The following TRIM28 variants were observed in gnomAD, a reference collection of about 807,000 sequenced individuals.
The protein encoded by TRIM28 is tripartite motif containing 28.
In TRIM28, 8 loss-of-function variants were observed where a neutral mutation model predicts 87.4. The observed-to-expected ratio is 0.09, with a 90% confidence interval of 0.05 to 0.17. The LOEUF is 0.17. TRIM28 is among the 10% of genes least tolerant of loss of function. The pLI is 1.00. For missense variants in TRIM28, 968 were observed against 1,131.8 expected (o/e 0.86, Z 2.08); for synonymous variants, 601 against 454.3 (o/e 1.32, Z -4.11).
rs755062663 is a variant in TRIM28, at chr19:58,549,916, C to G, written c.2107-33C>G. ...CCCAGAGAGGCTTTATAGGTGCTGCCCAGAGCTGTGACATCCCTTACAATG... is the reference window on the plus strand; with the variant it reads ...CCCAGAGAGGCTTTATAGGTGCTGCGCAGAGCTGTGACATCCCTTACAATG... On this transcript the variant is annotated intron_variant, in intron 14 of 16. Coordinates refer to ENST00000253024, the MANE Select transcript of TRIM28 (RefSeq NM_005762.3). This position sits in a 1 kb window ranked among gnomAD's most constrained non-coding sequence, Gnocchi z 4.4. The G allele has an allele frequency of 6.2e-7, 1 of 1,613,956 alleles. No individual in the cohort carries two copies. The highest frequency in any genetic ancestry group is 2.2e-5 in the East Asian group (1 of 44,866).
At position 58,545,497 on chromosome 19, in the gene TRIM28, G is replaced by C. The variant is rs2122623701; in HGVS notation, c.413G>C (p.Ser138Thr). Residue 138 changes from serine to threonine, a missense_variant, in exon 2 of 17, where the codon AGT becomes ACT. By Grantham distance (58) the Ser-to-Thr change is moderately conservative (BLOSUM62 1). This residue lies in a region of TRIM28 where 51 missense variants were observed against 69.3 expected (regional missense o/e 0.74). Coordinates refer to ENST00000253024, the MANE Select transcript of TRIM28 (RefSeq NM_005762.3). ...GTGGAGAATTATTTCATGCGTGATA[G>C]TGGCAGCAAGGCTGCCACCGACGCC... is the stretch of plus-strand genomic sequence containing the variant. ...DIVENYFMRD[S>T]GSKAATDAQD... 4 of 1,612,638 alleles carry C rather than the reference G, an allele frequency of 2.5e-6. No homozygotes were observed. Among genetic ancestry groups the C allele is most frequent in the East Asian group, 2.2e-5 (1 of 44,882 alleles).
At chr19:58,547,270 G>T in intron 3 of TRIM28, 106 bp from the exon 4 acceptor site, 2 of 1,427,994 alleles carry the variant, frequency 1.4e-6, no homozygotes, top group Non-Finnish European at 1.9e-6. Context: ...CCCAATAAAT[G>T]GCCCAGTGTC....
rs1467713692 is a variant in TRIM28 at position 58,545,080 on chromosome 19, C to T, written c.323C>T (p.Ala108Val). 8 of 1,432,214 alleles carry T rather than the reference C, an allele frequency of 5.6e-6. No individual in the cohort carries two copies. Among genetic ancestry groups the T allele is most frequent in the Admixed American group, 6.5e-5 (2 of 30,700 alleles). The allele number at this position is 1,432,214 out of a possible 1,614,324, so 88.7% of individuals were successfully genotyped here. Residue 108 changes from alanine (A) to valine (V), a missense_variant, in exon 1 of 17, where the codon GCG (alanine) becomes GTG (valine). By Grantham distance (64) the Ala-to-Val change is moderately conservative (BLOSUM62 0). Coordinates refer to ENST00000253024, the MANE Select transcript of TRIM28 (RefSeq NM_005762.3). ...GCCAACAGCTCGGGGGACGGCGGGGCGGCGGGCGACGGCACCGGTAAGTAC... is the reference window on the plus strand; with the variant it reads ...GCCAACAGCTCGGGGGACGGCGGGGTGGCGGGCGACGGCACCGGTAAGTAC... ...AAANSSGDGGAAGDGTVVDCP... is the reference protein window; with the variant it reads ...AAANSSGDGGVAGDGTVVDCP...
chr19:58,547,768 A>G (rs1433432297), intron 5 of TRIM28, 24 bp from the exon 6 acceptor site: 1 of 1,613,914 alleles, frequency 6.2e-7, no homozygotes, highest in South Asian at 1.1e-5. Flanking sequence ...GACCCTACCT[A>G]GCCTGACCTG....
Position 58,548,604 on chromosome 19 carries a change from AGAG to A in TRIM28, c.1323+15_1323+17del. ...CTGGCAGCAGCCAGGTGAGCAGGAG[AGAG>A]GACCCAGGAAGGGGTGGGCAGGGAA... is the stretch of plus-strand genomic sequence containing the variant. On this transcript the variant is annotated intron_variant, in intron 9 of 16. Transcript: ENST00000253024. 6.4e-7 allele frequency: 1 copy of A among 1,573,696 alleles called. No individual in the cohort carries two copies. Among genetic ancestry groups the A allele is most frequent in the Non-Finnish European group, 8.6e-7 (1 of 1,156,668 alleles).
chr19:58,547,076 T>TG, intron 3 of TRIM28: 1 of 206,238 alleles, frequency 4.8e-6, no homozygotes, highest in South Asian at 4.7e-5. Flanking sequence ...TCAGCGGGGG[T>TG]GGGGGGTGGG....
At chr19:58,547,106 C>T (rs1600081058) in intron 3 of TRIM28, 3 of 422,074 alleles carry the variant, frequency 7.1e-6, no homozygotes, top group Middle Eastern at 6.3e-4. Context: ...TCCTCTTTTT[C>T]TAGACGCTGT....
chr19:58,544,943 G>T lies in TRIM28; in HGVS notation c.186G>T (p.Leu62=). 1 of 1,473,172 alleles carries T rather than the reference G, an allele frequency of 6.8e-7. No individual in the cohort carries two copies. Among genetic ancestry groups the T allele is most frequent in the Non-Finnish European group, 8.9e-7 (1 of 1,122,842 alleles). 91.3% of individuals were successfully genotyped at this position (1,473,172 alleles called of 1,614,324 possible). Residue 62 remains leucine (L), a synonymous_variant, in exon 1 of 17, where the codon CTG becomes CTT. Coordinates refer to ENST00000253024, the MANE Select transcript of TRIM28 (RefSeq NM_005762.3). ...AGGGAEALEL[L]EHCGVCRERL... is the part of the protein sequence containing the mutation. ...GCGGCGCCGAGGCGCTGGAGCTGCT[G>T]GAGCACTGCGGCGTGTGCAGAGAGC...
At position 58,548,317 on chromosome 19, in the gene TRIM28, C is replaced by T. The variant is rs2053779724; in HGVS notation, c.1125C>T (p.Ala375=). 1.1e-5 allele frequency: 18 copies of T among 1,614,018 alleles called. No individual in the cohort carries two copies. The highest frequency in any genetic ancestry group is 1.7e-5 in the Admixed American group (1 of 60,008). ...KKLIYFQLHR[A]LKMIVDPVEP... The stretch of plus-strand genomic sequence containing the variant: ...AGATCTACTTCCAGCTGCACCGGGC[C>T]CTCAAGATGATTGTGGATCCCGTGG... Residue 375 remains alanine, a synonymous_variant, in exon 8 of 17, where the codon GCC becomes GCT. Coordinates refer to ENST00000253024, the MANE Select transcript of TRIM28 (RefSeq NM_005762.3).
chr19:58,546,434 C>G (rs2053761907), intron 3 of TRIM28, among the ~76,000 whole-genome samples: 1 of 152,182 alleles, frequency 6.6e-6, no homozygotes, highest in Admixed American at 6.5e-5. Context: ...GCTTGAGAGT[C>G]TTTTGAGTCT....
In TRIM28 at chr19:58,549,024, G is replaced by A. The variant is rs768821836; in HGVS notation, c.1446G>A (p.Met482Ile). The change falls in exon 12 of 17, where the codon ATG becomes ATA. Residue 482 changes from methionine (M) to isoleucine (I), a missense_variant. This residue lies in a region of TRIM28 where 119 missense variants were observed against 93.6 expected (regional missense o/e 1.27). Coordinates refer to ENST00000253024, the MANE Select transcript of TRIM28 (RefSeq NM_005762.3). The surrounding 1 kb of genome is among the most constrained non-coding windows in gnomAD (Gnocchi z 4.4). Reference sequence around the variant, plus strand: ...GTGAGGGCGAGGTGAGCGGCCTTATGCGCAAGGTGCCACGAGTGAGCCTTG... The same window carrying A: ...GTGAGGGCGAGGTGAGCGGCCTTATACGCAAGGTGCCACGAGTGAGCCTTG... ...RSGEGEVSGL[M>I]RKVPRVSLER... is the part of the protein sequence containing the mutation. 1.9e-6 allele frequency: 3 copies of A among 1,614,094 alleles called. No individual in the cohort carries two copies. Among genetic ancestry groups the A allele is most frequent in the South Asian group, 1.1e-5 (1 of 91,092 alleles).
rs778873808 is a variant in TRIM28, at chr19:58,547,413, T to C, written c.624T>C (p.Tyr208=). 9.9e-6 allele frequency: 16 copies of C among 1,613,960 alleles called. No individual in the cohort carries two copies. Among genetic ancestry groups the C allele is most frequent in the Non-Finnish European group, 1.3e-5 (15 of 1,179,968 alleles). The stretch of plus-strand genomic sequence containing the variant: ...CTCGGGATGGTGAACGTACTGTCTA[T>C]TGCAACGTACACAAGCATGAACCCC... ...AKSRDGERTV[Y]CNVHKHEPLV... is the part of the protein sequence containing the mutation. The change falls in exon 4 of 17, where the codon TAT becomes TAC. Residue 208 remains tyrosine, a synonymous_variant. Coordinates refer to ENST00000253024, the MANE Select transcript of TRIM28 (RefSeq NM_005762.3).
chr19:58,544,206 A>G lies in TRIM28; in HGVS notation c.-552A>G, dbSNP rs543024180. ...GGAGCTGAGAGGGGAATCACACTCTATAAAGGTTCGCATACCCCACTGGCG... is the reference window on the plus strand; with the variant it reads ...GGAGCTGAGAGGGGAATCACACTCTGTAAAGGTTCGCATACCCCACTGGCG... On this transcript the variant is annotated 5_prime_UTR_variant, in exon 1 of 17. Coordinates refer to ENST00000253024, the MANE Select transcript of TRIM28 (RefSeq NM_005762.3). 1 of 152,426 alleles carries G rather than the reference A, an allele frequency of 6.6e-6. No homozygotes were observed. The highest frequency in any genetic ancestry group is 2.4e-5 in the African/African-American group (1 of 41,584). The allele number at this position is 152,426 out of a possible 1,614,324, so 9.4% of individuals were successfully genotyped here. A position where few individuals can be genotyped will look rare whatever the true frequency, so the allele number is the denominator to read the frequency against.
chr19:58,548,244 C>G, intron 7 of TRIM28, 50 bp from the exon 8 acceptor site: 1 of 1,613,708 alleles, frequency 6.2e-7, no homozygotes, highest in Non-Finnish European at 8.5e-7. Flanking sequence ...CCTCAAATCC[C>G]TATTTGTTGT....
chr19:58,549,511 G>A lies in TRIM28; in HGVS notation c.1843G>A (p.Gly615Ser). Residue 615 changes from glycine to serine, a missense_variant, in exon 13 of 17, where the codon GGT (glycine) becomes AGT (serine). By Grantham distance (56) the Gly-to-Ser change is moderately conservative. Coordinates refer to ENST00000253024, the MANE Select transcript of TRIM28 (RefSeq NM_005762.3). The surrounding 1 kb of genome is among the most constrained non-coding windows in gnomAD (Gnocchi z 4.4). ...GGCTCCTGAGGGTACCTCAGCCCCAGGTGGTGGCCCGGGAACCCTGGATGA... is the reference window on the plus strand; with the variant it reads ...GGCTCCTGAGGGTACCTCAGCCCCAAGTGGTGGCCCGGGAACCCTGGATGA... ...VVAPEGTSAP[G>S]GGPGTLDDSA... The A allele has an allele frequency of 1.9e-6, 3 of 1,614,012 alleles. No homozygotes were observed. Among genetic ancestry groups the A allele is most frequent in the Non-Finnish European group, 2.5e-6 (3 of 1,180,000 alleles).
rs747284263 is a variant in TRIM28 at position 58,549,278 on chromosome 19, G to A, written c.1662+38G>A. The stretch of plus-strand genomic sequence containing the variant: ...CAAGGAACTATAGCTGTAGGATGAA[G>A]CCTGTAGTCCAGGTCTGGACCCTGT... On this transcript the variant is annotated intron_variant, in intron 12 of 16. Coordinates refer to ENST00000253024, the MANE Select transcript of TRIM28 (RefSeq NM_005762.3). The surrounding 1 kb of genome is among the most constrained non-coding windows in gnomAD (Gnocchi z 4.4). The A allele has an allele frequency of 2.5e-6, 4 of 1,599,440 alleles. No homozygotes were observed. In the African/African-American group the frequency reaches 4.0e-5, roughly 16 times the overall value.
rs758617548 is a variant in TRIM28, at chr19:58,545,421, G to A, written c.341-4G>A. The A allele has an allele frequency of 1.2e-5, 19 of 1,604,426 alleles. No individual in the cohort carries two copies. The highest frequency in any genetic ancestry group is 1.5e-5 in the Non-Finnish European group (18 of 1,173,404). On this transcript the variant is annotated splice_region_variant and splice_polypyrimidine_tract_variant and intron_variant, in intron 1 of 16. Transcript: ENST00000253024. ...ACAGTCTCCCACATCCCTGCTTCTC[G>A]AAGTGGTGGACTGTCCCGTGTGCAA...
At chr19:58,550,108 G>T (rs773868883) in intron 15 of TRIM28, 39 bp from the exon 16 acceptor site, 2 of 1,613,478 alleles carry the variant, frequency 1.2e-6, no homozygotes, top group African/African-American at 2.7e-5. Flanking sequence ...GCATGTATAT[G>T]TGTGTCTTTG....
At chr19:58,547,048 G>GAACA (rs1204149678) in intron 3 of TRIM28, 1 of 253,956 alleles carries the variant, frequency 3.9e-6, no homozygotes, top group Admixed American at 6.3e-5. Context: ...TCAGTAAAGG[G>GAACA]AACAGTGTGG....
Sources: gnomAD v4.1 joint callset for allele counts (sites outside exome capture counted in the v4.1 genomes callset) on GRCh38, gnomAD v4.1.1 for gene constraint, gnomAD v4.1.1 regional missense constraint, Gnocchi (gnomAD v3.1) non-coding constraint, MANE v1.5 for transcripts, NCBI Gene and HGNC (gene_info 2026-07-23, HGNC 2026-07-21) for gene names.